GNA11: variants seen among roughly 807,000 people sequenced by gnomAD.
The protein encoded by GNA11 is G protein subunit alpha 11, also known as guanine nucleotide-binding protein subunit alpha-11.
GNA11 carries 8 observed loss-of-function variants against 38.2 expected under a neutral mutation model. That is an observed-to-expected ratio of 0.21 (90% CI 0.12 to 0.38). GNA11 has a LOEUF of 0.38. GNA11 is among the 10% of genes least tolerant of loss of function. The pLI is 1.00. For synonymous variants in GNA11, 211 were observed against 221.4 expected (o/e 0.95, Z 0.42); for missense variants, 268 against 516.3 (o/e 0.52, Z 4.66).
chr19:3,108,621 TG>T lies in GNA11; in HGVS notation c.137-1527del, dbSNP rs1280814678. 6.6e-6 allele frequency among the ~76,000 whole-genome samples: 1 copy of T among 152,168 alleles called. No individual in the cohort carries two copies. Among genetic ancestry groups the T allele is most frequent in the Non-Finnish European group, 1.5e-5 (1 of 68,024 alleles). Reference sequence around the variant, plus strand: ...CAAGGTTAATACCTGAGTAGAGAGTTGAGGCAGTCTCTTTTTAGAAATTAGA... The same window carrying T: ...CAAGGTTAATACCTGAGTAGAGAGTTAGGCAGTCTCTTTTTAGAAATTAGA... On this transcript the variant is annotated intron_variant, in intron 1 of 6. Transcript: ENST00000078429. This position sits in a 1 kb window ranked among gnomAD's most constrained non-coding sequence, Gnocchi z 4.5.
chr19:3,101,736 A>C (rs552151538), intron 1 of GNA11, among the ~76,000 whole-genome samples: 6 of 152,314 alleles, frequency 3.9e-5, no homozygotes, highest in African/African-American at 1.4e-4. Flanking sequence ...CCAGTCTCCC[A>C]GGCTGTCGGG....
chr19:3,106,684 T>C (rs542901519), intron 1 of GNA11, among the ~76,000 whole-genome samples: 5 of 152,220 alleles, frequency 3.3e-5, no homozygotes, highest in Non-Finnish European at 7.3e-5. Flanking sequence ...GGGCTGCATG[T>C]GTGTGTACAT....
chr19:3,111,536 G>C (rs1412778653), intron 2 of GNA11, among the ~76,000 whole-genome samples: 3 of 152,192 alleles, frequency 2.0e-5, no homozygotes, highest in Non-Finnish European at 4.4e-5. Flanking sequence ...CCAGTGCATG[G>C]AGGGACCGCG....
In GNA11 at chr19:3,094,909, C is replaced by T. The variant is rs1210144035; in HGVS notation, c.136+122C>T. ...TGCCTGTGCCGTCCGGGTCGCGAGA[C>T]CCTCCGGGGTCAGCCCTGCCTGTGC... is the stretch of plus-strand genomic sequence containing the variant. On this transcript the variant is annotated intron_variant, in intron 1 of 6. Coordinates refer to ENST00000078429, the MANE Select transcript of GNA11 (RefSeq NM_002067.5). This position sits in a 1 kb window ranked among gnomAD's most constrained non-coding sequence, Gnocchi z 6.0. 1.1e-5 allele frequency: 7 copies of T among 633,446 alleles called. No individual in the cohort carries two copies. Among genetic ancestry groups the T allele is most frequent in the Non-Finnish European group, 1.7e-5 (7 of 416,638 alleles). The allele number at this position is 633,446 out of a possible 1,614,324, so 39.2% of individuals were successfully genotyped here. A position where few individuals can be genotyped will look rare whatever the true frequency, so the allele number is the denominator to read the frequency against.
intron 3 of GNA11, among the ~76,000 whole-genome samples, chr19:3,113,779 G>A (rs1913840345): frequency 6.6e-6 from 1 of 152,212 alleles, no homozygotes; most frequent in Admixed American, 6.5e-5. Flanking sequence ...CGGTGCTGGA[G>A]CCCGGCCTGT....
In GNA11 at chr19:3,105,823, C is replaced by T. The variant is rs1462149827; in HGVS notation, c.137-4326C>T. Among the ~76,000 whole-genome samples, 8 of 152,128 alleles carry T rather than the reference C, an allele frequency of 5.3e-5. No homozygotes were observed. The East Asian group carries it at 5.8e-4, about 11-fold the overall frequency. On this transcript the variant is annotated intron_variant, in intron 1 of 6. Transcript: ENST00000078429. ...TGGAGCTTTGGCTTTTTGGCTTTTACGAGTAAAGCTGCCGTGGTGCTTGGT... is the reference window on the plus strand; with the variant it reads ...TGGAGCTTTGGCTTTTTGGCTTTTATGAGTAAAGCTGCCGTGGTGCTTGGT...
At chr19:3,107,884 C>T (rs74389426) in intron 1 of GNA11, among the ~76,000 whole-genome samples, 5,911 of 152,156 alleles carry the variant, frequency 0.039, 356 homozygotes, top group African/African-American at 0.13. Flanking sequence ...GAGGGAAGGG[C>T]GTGTGGGGGT....
Position 3,098,225 on chromosome 19 carries a change from T to C in GNA11, c.136+3438T>C, listed in dbSNP as rs1021027995. On this transcript the variant is annotated intron_variant, in intron 1 of 6. Transcript: ENST00000078429. Reference sequence around the variant, plus strand: ...CACTTCTGTCGATGCTGGTGACAGCTGTGGATGGGTACAGGAGTGGCAAGC... The same window carrying C: ...CACTTCTGTCGATGCTGGTGACAGCCGTGGATGGGTACAGGAGTGGCAAGC... Among the ~76,000 whole-genome samples, 3 of 152,238 alleles carry C rather than the reference T, an allele frequency of 2.0e-5. 1 individual carries two copies. The highest frequency in any genetic ancestry group is 2.4e-5 in the African/African-American group (1 of 41,462).
chr19:3,094,983 G>T lies in GNA11; in HGVS notation c.136+196G>T, dbSNP rs1404260195. On this transcript the variant is annotated intron_variant, in intron 1 of 6. Coordinates refer to ENST00000078429, the MANE Select transcript of GNA11 (RefSeq NM_002067.5). This position sits in a 1 kb window ranked among gnomAD's most constrained non-coding sequence, Gnocchi z 6.0. ...GGACCCTCGAGTGTCAGCCCTGCCT[G>T]TGCCTTCACTGCCTGTCCGGGTCGG... 2.0e-5 allele frequency among the ~76,000 whole-genome samples: 3 copies of T among 151,558 alleles called. No homozygotes were observed.
At position 3,110,046 on chromosome 19, in the gene GNA11, C is replaced by A; in HGVS notation, c.137-103C>A. 1.1e-6 allele frequency: 1 copy of A among 903,778 alleles called. No individual in the cohort carries two copies. Among genetic ancestry groups the A allele is most frequent in the Non-Finnish European group, 1.7e-6 (1 of 593,810 alleles). 56.0% of individuals were successfully genotyped at this position (903,778 alleles called of 1,614,324 possible). On this transcript the variant is annotated intron_variant, in intron 1 of 6. Coordinates refer to ENST00000078429, the MANE Select transcript of GNA11 (RefSeq NM_002067.5). This position sits in a 1 kb window ranked among gnomAD's most constrained non-coding sequence, Gnocchi z 5.4. ...CGGTCAGCCTCACGTGCCTTGGTTT[C>A]CTGTGCTGGGTGCTGCAGCACGGCA...
Position 3,119,521 on chromosome 19 carries a change from G to A in GNA11, c.889+162G>A, listed in dbSNP as rs1012790689. 5.3e-5 allele frequency among the ~76,000 whole-genome samples: 8 copies of A among 150,166 alleles called. No individual in the cohort carries two copies. Among genetic ancestry groups the A allele is most frequent in the Non-Finnish European group, 1.2e-4 (8 of 67,470 alleles). Reference sequence around the variant, plus strand: ...TGGAGTCTCAGGGAAGGGAGATCTCGTATGAGGGGGGCCTGTACGGGAATG... The same window carrying A: ...TGGAGTCTCAGGGAAGGGAGATCTCATATGAGGGGGGCCTGTACGGGAATG... On this transcript the variant is annotated intron_variant, in intron 6 of 6. Transcript: ENST00000078429. The surrounding 1 kb of genome is among the most constrained non-coding windows in gnomAD (Gnocchi z 4.6).
At chr19:3,116,116 G>T (rs1037109100) in intron 4 of GNA11, among the ~76,000 whole-genome samples, 2 of 152,068 alleles carry the variant, frequency 1.3e-5, no homozygotes, top group African/African-American at 4.8e-5. Flanking sequence ...GTCCACTGTG[G>T]CTGGGGGCCG....
At chr19:3,106,265 C>T (rs191733708) in intron 1 of GNA11, among the ~76,000 whole-genome samples, 1 of 152,304 alleles carries the variant, frequency 6.6e-6, no homozygotes, top group Admixed American at 6.5e-5. Context: ...GGCATTCAGA[C>T]ATTGGGTCCA....
At position 3,121,575 on chromosome 19, in the gene GNA11, C is replaced by G. The variant is rs184012176; in HGVS notation, c.*396C>G. On this transcript the variant is annotated 3_prime_UTR_variant, in exon 7 of 7. Transcript: ENST00000078429. The stretch of plus-strand genomic sequence containing the variant: ...CCGCCAGCCAGCATGGGGCCCCGCC[C>G]TGCAGCCAGTCACGCGCCCCCACAC... The G allele has an allele frequency of 4.2e-6, 1 of 235,620 alleles. No homozygotes were observed. The highest frequency in any genetic ancestry group is 2.2e-5 in the African/African-American group (1 of 45,524). 14.6% of individuals were successfully genotyped at this position (235,620 alleles called of 1,614,324 possible). A position where few individuals can be genotyped will look rare whatever the true frequency, so the allele number is the denominator to read the frequency against.
In GNA11 at chr19:3,120,578, G is replaced by A. The variant is rs1342159910; in HGVS notation, c.890-411G>A. On this transcript the variant is annotated intron_variant, in intron 6 of 6. Coordinates refer to ENST00000078429, the MANE Select transcript of GNA11 (RefSeq NM_002067.5). This position sits in a 1 kb window ranked among gnomAD's most constrained non-coding sequence, Gnocchi z 5.9. Reference sequence around the variant, plus strand: ...AGCAGGGGCACCGTGGGTGGGTGGGGGCCACTGTTCCTGCTCTGTAGGCTC... The same window carrying A: ...AGCAGGGGCACCGTGGGTGGGTGGGAGCCACTGTTCCTGCTCTGTAGGCTC... Among the ~76,000 whole-genome samples the A allele has an allele frequency of 1.3e-5, 2 of 152,120 alleles. No homozygotes were observed. Among genetic ancestry groups the A allele is most frequent in the Non-Finnish European group, 2.9e-5 (2 of 67,990 alleles).
intron 1 of GNA11, among the ~76,000 whole-genome samples, chr19:3,100,477 C>T (rs976124807): frequency 1.3e-5 from 2 of 152,194 alleles, no homozygotes; most frequent in African/African-American, 4.8e-5. Context: ...GGCGAGTGAC[C>T]GTCATTGGCT....
chr19:3,096,741 C>T (rs1913379075), intron 1 of GNA11, among the ~76,000 whole-genome samples: 1 of 152,052 alleles, frequency 6.6e-6, no homozygotes, highest in Non-Finnish European at 1.5e-5. Context: ...AAAGTTGACC[C>T]CTATCAGCCT....
At chr19:3,105,126 T>A (rs1913608891) in intron 1 of GNA11, among the ~76,000 whole-genome samples, 1 of 152,106 alleles carries the variant, frequency 6.6e-6, no homozygotes, top group South Asian at 2.1e-4. Context: ...TGGGTTTGAC[T>A]CGTCACCCGT....
chr19:3,111,269 G>A (rs555351242), intron 2 of GNA11, among the ~76,000 whole-genome samples: 6 of 152,170 alleles, frequency 3.9e-5, no homozygotes, highest in African/African-American at 9.6e-5. Context: ...CACCGCTGTC[G>A]GATTCCAGAT....
Sources: allele counts gnomAD v4.1 joint callset (sites outside exome capture counted in the v4.1 genomes callset), GRCh38; gene constraint gnomAD v4.1.1; non-coding constraint Gnocchi (gnomAD v3.1); transcripts MANE v1.5; gene names NCBI Gene and HGNC (gene_info 2026-07-23, HGNC 2026-07-21).